The following MINAR1 variants were observed in gnomAD, a reference collection of about 807,000 sequenced individuals.
MINAR1 encodes the protein membrane integral NOTCH2 associated receptor 1, also known as major intrinsically disordered Notch2-binding receptor 1.
Under a neutral mutation model 65.1 loss-of-function variants are expected in MINAR1, and 40 were observed. That is an observed-to-expected ratio of 0.61 (90% confidence interval 0.48 to 0.80). The LOEUF (loss-of-function observed/expected upper bound fraction) is 0.80. Ranked by LOEUF, MINAR1 falls within the 30% of genes least tolerant of loss-of-function variation. MINAR1 has a pLI of 0.00. For missense variants in MINAR1, 1,128 were observed against 1,148.0 expected (o/e 0.98, Z 0.25); for synonymous variants, 482 against 449.1 (o/e 1.07, Z -0.93).
chr15:79,446,444 A>G (rs890268243), intron 1 of MINAR1, among the ~76,000 whole-genome samples: 1 of 152,036 alleles, frequency 6.6e-6, no homozygotes, highest in African/African-American at 2.4e-5. Flanking sequence ...CTATTTCTTT[A>G]TCTTTACTTC....
the MINAR1 span, chr15:79,421,519 G>T: frequency 6.6e-6 from 1 of 152,300 alleles, no homozygotes; most frequent in Non-Finnish European, 1.5e-5. Context: ...GAGGTGGGCA[G>T]TAGATCTCTC....
At chr15:79,428,689 A>G (rs1341131394), upstream of MINAR1, among the ~76,000 whole-genome samples, 2 of 152,172 alleles carry the variant, frequency 1.3e-5, no homozygotes, top group Non-Finnish European at 2.9e-5. Flanking sequence ...GAAGCTCAAG[A>G]GAGGTTAAGA....
chr15:79,468,140 G>C, intron 3 of MINAR1, 47 bp from the exon 4 acceptor site: 1 of 1,523,148 alleles, frequency 6.6e-7, no homozygotes, highest in Non-Finnish European at 9.1e-7. Flanking sequence ...TCTTTGACCT[G>C]ATTTCAAGTA....
At chr15:79,442,075 T>A (rs889473922) in intron 1 of MINAR1, among the ~76,000 whole-genome samples, 1 of 151,752 alleles carries the variant, frequency 6.6e-6, no homozygotes, top group Non-Finnish European at 1.5e-5. Flanking sequence ...GTTTTTTTTT[T>A]ATGTTTACTG....
intron 1 of MINAR1, among the ~76,000 whole-genome samples, chr15:79,444,107 A>G (rs1239947634): frequency 6.6e-6 from 1 of 152,216 alleles, no homozygotes; most frequent in African/African-American, 2.4e-5. Flanking sequence ...GGGTTCACAC[A>G]TGCCTTAGGC....
chr15:79,472,138 G>A lies in MINAR1; in HGVS notation c.*3754G>A, dbSNP rs990078442. The A allele has an allele frequency of 2.0e-5, 3 of 152,270 alleles. No homozygotes were observed. The highest frequency in any genetic ancestry group is 1.3e-4 in the Admixed American group (2 of 15,258). The allele number at this position is 152,270 out of a possible 1,614,324, so 9.4% of individuals were successfully genotyped here. A position where few individuals can be genotyped will look rare whatever the true frequency, so the allele number is the denominator to read the frequency against. On this transcript the variant is annotated 3_prime_UTR_variant, in exon 4 of 4. Transcript: ENST00000305428. Reference sequence around the variant, plus strand: ...GTACAGCTCTCAGCACACTCTTGGTGCTTGATAAATGTTATGTTATATAAT... The same window carrying A: ...GTACAGCTCTCAGCACACTCTTGGTACTTGATAAATGTTATGTTATATAAT...
intron 1 of MINAR1, among the ~76,000 whole-genome samples, chr15:79,447,822 G>A (rs1211352958): frequency 6.6e-6 from 1 of 152,092 alleles, no homozygotes; most frequent in Non-Finnish European, 1.5e-5. Context: ...TTAACCCAGA[G>A]CCCAGGCAGA....
At chr15:79,437,686 G>A (rs1894651256) in intron 1 of MINAR1, among the ~76,000 whole-genome samples, 1 of 114,326 alleles carries the variant, frequency 8.7e-6, no homozygotes, top group African/African-American at 3.2e-5. Context: ...TGGGTGGCGT[G>A]GGTAGTGAGT....
chr15:79,472,142 G>T lies in MINAR1; in HGVS notation c.*3758G>T, dbSNP rs557518245. 258 of 152,230 alleles carry T rather than the reference G, an allele frequency of 1.7e-3. No homozygotes were observed. Among genetic ancestry groups the T allele is most frequent in the Non-Finnish European group, 2.4e-3 (160 of 67,858 alleles). The allele number at this position is 152,230 out of a possible 1,614,324, so 9.4% of individuals were successfully genotyped here. On this transcript the variant is annotated 3_prime_UTR_variant, in exon 4 of 4. Coordinates refer to ENST00000305428, the MANE Select transcript of MINAR1 (RefSeq NM_015206.3). Reference sequence around the variant, plus strand: ...AGCTCTCAGCACACTCTTGGTGCTTGATAAATGTTATGTTATATAATACCA... The same window carrying T: ...AGCTCTCAGCACACTCTTGGTGCTTTATAAATGTTATGTTATATAATACCA...
chr15:79,448,513 G>A (rs1260993728), intron 1 of MINAR1, among the ~76,000 whole-genome samples: 1 of 152,132 alleles, frequency 6.6e-6, no homozygotes, highest in East Asian at 1.9e-4. Flanking sequence ...AAAACCAGAA[G>A]CAAGACAAAA....
In MINAR1 at chr15:79,463,342, G is replaced by A. The variant is rs754708017; in HGVS notation, c.2553+21G>A. 5 of 1,604,960 alleles carry A rather than the reference G, an allele frequency of 3.1e-6. No homozygotes were observed. The African/African-American group carries it at 5.4e-5, about 17-fold the overall frequency. On this transcript the variant is annotated intron_variant, in intron 3 of 3. Coordinates refer to ENST00000305428, the MANE Select transcript of MINAR1 (RefSeq NM_015206.3). Reference sequence around the variant, plus strand: ...TGCAGGTGAGCCTCTCACTGTCCCTGGGTGGGGGAAGCCCAGCTGTGCCCT... The same window carrying A: ...TGCAGGTGAGCCTCTCACTGTCCCTAGGTGGGGGAAGCCCAGCTGTGCCCT...
intron 1 of MINAR1, among the ~76,000 whole-genome samples, chr15:79,453,617 T>C (rs1895315106): frequency 6.6e-6 from 1 of 152,188 alleles, no homozygotes; most frequent in African/African-American, 2.4e-5. Context: ...CGTTGGTGCA[T>C]TGTAGGAAAT....
Position 79,456,841 on chromosome 15 carries a change from C to A in MINAR1, c.694C>A (p.Pro232Thr), listed in dbSNP as rs752368693. 7.4e-6 allele frequency: 12 copies of A among 1,614,154 alleles called. No individual in the cohort carries two copies. Among genetic ancestry groups the A allele is most frequent in the Admixed American group, 1.7e-5 (1 of 60,020 alleles). ...GTCCATTTCAGACCAGGACTCCCTG[C>A]CCATCAATCAGAGCATCAAGGAGAC... is the stretch of plus-strand genomic sequence containing the variant. ...NESISDQDSL[P>T]INQSIKETFI... The change falls in exon 2 of 4, where the codon CCC becomes ACC. Residue 232 changes from proline to threonine, a missense_variant. Pro to Thr is a conservative substitution (Grantham distance 38). Coordinates refer to ENST00000305428, the MANE Select transcript of MINAR1 (RefSeq NM_015206.3).
At position 79,456,399 on chromosome 15, in the gene MINAR1, A is replaced by G. The variant is rs1895414935; in HGVS notation, c.252A>G (p.Ala84=). Residue 84 remains alanine, a synonymous_variant, in exon 2 of 4, where the codon GCA becomes GCG. Coordinates refer to ENST00000305428, the MANE Select transcript of MINAR1 (RefSeq NM_015206.3). ...NNQQSKKIMV[A]ADIVTIFNLI... ...AGCAATCAAAGAAAATCATGGTGGC[A>G]GCAGATATTGTGACGATATTCAACC... 1 of 1,614,116 alleles carries G rather than the reference A, an allele frequency of 6.2e-7. No individual in the cohort carries two copies. The highest frequency in any genetic ancestry group is 8.5e-7 in the Non-Finnish European group (1 of 1,180,054).
upstream of MINAR1, among the ~76,000 whole-genome samples, chr15:79,431,717 C>A (rs1022290286): frequency 6.6e-6 from 1 of 152,244 alleles, no homozygotes; most frequent in African/African-American, 2.4e-5. Context: ...CTGCTTGCCA[C>A]TGGGGGCCGC....
chr15:79,463,988 C>G (rs1182887988), intron 3 of MINAR1, among the ~76,000 whole-genome samples: 1 of 152,246 alleles, frequency 6.6e-6, no homozygotes, highest in East Asian at 1.9e-4. Flanking sequence ...GAGGCCATAG[C>G]ACCAGGAGTG....
chr15:79,434,501 A>C lies in MINAR1; in HGVS notation c.-51+1961A>C, dbSNP rs533333675. Among the ~76,000 whole-genome samples the C allele has an allele frequency of 5.9e-5, 9 of 152,312 alleles. No homozygotes were observed. The East Asian group carries it at 1.7e-3, about 29-fold the overall frequency. ...ATGAGCCCTTTCTCAAATCTTGACA[A>C]ACGTGCAGCAGAAGCCATTGTTGCA... On this transcript the variant is annotated intron_variant, in intron 1 of 3. Transcript: ENST00000305428.
intron 2 of MINAR1, 143 bp from the exon 3 acceptor site, chr15:79,462,924 T>A (rs1181834765): frequency 1.2e-6 from 1 of 804,642 alleles, no homozygotes; most frequent in Non-Finnish European, 2.0e-6. Flanking sequence ...AATATGGTTA[T>A]GCTTTCATAC....
chr15:79,434,081 T>C (rs1894529047), intron 1 of MINAR1, among the ~76,000 whole-genome samples: 1 of 152,166 alleles, frequency 6.6e-6, no homozygotes, highest in Non-Finnish European at 1.5e-5. Context: ...AGTCTGATTT[T>C]TATTGTGTGT....
Sources: allele counts gnomAD v4.1 joint callset (sites outside exome capture counted in the v4.1 genomes callset), GRCh38; gene constraint gnomAD v4.1.1; transcripts MANE v1.5; gene names NCBI Gene and HGNC (gene_info 2026-07-23, HGNC 2026-07-21).